Variants in EIF2D observed in about 807,000 individuals in gnomAD.
EIF2D encodes eukaryotic translation initiation factor 2D, also known as hepatocellular carcinoma-associated antigen 56.
Under a neutral mutation model 77.4 loss-of-function variants are expected in EIF2D, and 56 were observed. That is an observed-to-expected ratio of 0.72 (90% CI 0.58 to 0.90). The LOEUF (loss-of-function observed/expected upper bound fraction) is 0.90, where lower values mean the gene tolerates loss of function less well. Among genes scored for constraint, EIF2D ranks in the 40% least tolerant of loss-of-function variants. The pLI, the probability that EIF2D is intolerant of heterozygous loss-of-function variation, is 0.00. For missense variants in EIF2D, 574 were observed against 706.5 expected, an observed-to-expected ratio of 0.81 and a Z score of 2.13; for synonymous variants, 230 against 271.0, an observed-to-expected ratio of 0.85 and a Z score of 1.49.
chr1:206,593,506 A>AGTGTGTGCGTGCGT (rs1286437460), intron 14 of EIF2D, 113 bp downstream of exon 14: 1 of 411,504 alleles, frequency 2.4e-6, no homozygotes, highest in African/African-American at 2.5e-5. Flanking sequence ...AGAGAGAGAG[A>AGTGTGTGCGTGCGT]GAGTGTGTGT....
intron 2 of EIF2D, chr1:206,583,214 C>T (rs1553406718): frequency 1.6e-6 from 2 of 1,229,464 alleles, no homozygotes; most frequent in African/African-American, 1.5e-5. Flanking sequence ...TGGTTGTTCC[C>T]TTTCTCACCC....
At chr1:206,606,973 A>C (rs1445192403) in intron 4 of EIF2D, among the ~76,000 whole-genome samples, 1 of 152,218 alleles carries the variant, frequency 6.6e-6, no homozygotes, top group Non-Finnish European at 1.5e-5. Flanking sequence ...ACAATTCTGC[A>C]TTTTAGTATC....
chr1:206,608,490 A>G (rs1572413574), intron 3 of EIF2D, among the ~76,000 whole-genome samples, 164 bp from the exon 4 acceptor site: 1 of 152,234 alleles, frequency 6.6e-6, no homozygotes, highest in South Asian at 2.1e-4. Flanking sequence ...AAAAATAGTT[A>G]TTAGTTATCA....
At chr1:206,589,461 A>T (rs1034266765), downstream of EIF2D, 1 of 152,188 alleles carries the variant, frequency 6.6e-6, no homozygotes, top group Admixed American at 6.5e-5. Context: ...CGTAGGCGGG[A>T]GGGCGCTGCC....
Position 206,592,401 on chromosome 1 carries a change from C to T in EIF2D, c.1685-556G>A, listed in dbSNP as rs952612641. 6.6e-6 allele frequency among the ~76,000 whole-genome samples: 1 copy of T among 152,226 alleles called. No individual in the cohort carries two copies. Among genetic ancestry groups the T allele is most frequent in the Non-Finnish European group, 1.5e-5 (1 of 68,036 alleles). On this transcript the variant is annotated intron_variant, in intron 14 of 14. Coordinates refer to ENST00000271764, the MANE Select transcript of EIF2D (RefSeq NM_006893.3). The surrounding 1 kb of genome is among the most constrained non-coding windows in gnomAD (Gnocchi z 4.7). ...AATGTTTAAAATGCTAATTTAGGCT[C>T]AGGCCTCCCAGGACCCCTGGGCTGG... is the stretch of plus-strand genomic sequence containing the variant.
intron 2 of EIF2D, among the ~76,000 whole-genome samples, chr1:206,609,669 G>A (rs17012640): frequency 0.012 from 1,839 of 152,288 alleles, 21 homozygotes; most frequent in South Asian, 0.071. Flanking sequence ...GAGATTTGGA[G>A]GCATCCGGAT....
Position 206,584,691 on chromosome 1 carries a change from GAA to G in EIF2D, c.139-3531_139-3530del. On this transcript the variant is annotated intron_variant and NMD_transcript_variant, in intron 2 of 5. Coordinates refer to the EIF2D transcript ENST00000472709. The surrounding 1 kb of genome is among the most constrained non-coding windows in gnomAD (Gnocchi z 4.9). ...ATACACAAGGACGGACAAGGTAGGA[GAA>G]AGAGTGAACCCAACCAGACCGTTCC... 6.2e-7 allele frequency: 1 copy of G among 1,614,196 alleles called. No homozygotes were observed. Among genetic ancestry groups the G allele is most frequent in the Non-Finnish European group, 8.5e-7 (1 of 1,180,014 alleles).
chr1:206,570,078 CTTTTTTTTTTTTT>C (rs375900760), downstream of EIF2D, among the ~76,000 whole-genome samples: 4 of 119,378 alleles, frequency 3.4e-5, no homozygotes, highest in South Asian at 3.0e-4. Flanking sequence ...TAAAATTTAC[CTTTTTTTTTTTTT>C]TTTTTTTTTT....
rs569945436 is a variant in EIF2D, at chr1:206,584,116, C to T, written c.139-2954G>A. On this transcript the variant is annotated intron_variant and NMD_transcript_variant, in intron 2 of 5. Transcript: ENST00000472709. The surrounding 1 kb of genome is among the most constrained non-coding windows in gnomAD (Gnocchi z 4.9). ...GGCACTCACCAAAGGCAACTGGTTA[C>T]AGGAGGTTTAGGGAGCTGGCCTGAG... Among the ~76,000 whole-genome samples the T allele has an allele frequency of 3.3e-5, 5 of 152,294 alleles. No homozygotes were observed. In the East Asian group the frequency reaches 9.6e-4, roughly 29 times the overall value.
At chr1:206,605,797 AG>A (rs1553412553) in intron 4 of EIF2D, among the ~76,000 whole-genome samples, 1 of 152,222 alleles carries the variant, frequency 6.6e-6, no homozygotes, top group Non-Finnish European at 1.5e-5. Context: ...TTAAATCTCC[AG>A]GTGGGTCTTG....
At chr1:206,580,158 T>C (rs1308321601) in intron 4 of EIF2D, among the ~76,000 whole-genome samples, 1 of 152,120 alleles carries the variant, frequency 6.6e-6, no homozygotes, top group African/African-American at 2.4e-5. Flanking sequence ...AGGGGAGAGA[T>C]AGATGGGTCT....
At chr1:206,601,817 T>G (rs1179575431) in intron 7 of EIF2D, 1 of 153,706 alleles carries the variant, frequency 6.5e-6, no homozygotes, top group Non-Finnish European at 1.4e-5. Flanking sequence ...ATCCAGGTTC[T>G]ATCCACACGC....
downstream of EIF2D, among the ~76,000 whole-genome samples, chr1:206,590,649 G>A (rs1553408787): frequency 6.6e-6 from 1 of 152,130 alleles, no homozygotes; most frequent in East Asian, 1.9e-4. Context: ...TCTATTCTGG[G>A]CCTGATAACA....
At chr1:206,596,936 C>CA (rs1410377531) in intron 12 of EIF2D, among the ~76,000 whole-genome samples, 164 bp downstream of exon 12, 121 of 151,994 alleles carry the variant, frequency 8.0e-4, no homozygotes, top group African/African-American at 2.8e-3. Flanking sequence ...TTCCAAAGAC[C>CA]CCCCAAATCA....
intron 4 of EIF2D, among the ~76,000 whole-genome samples, chr1:206,573,167 A>C (rs1374641236): frequency 6.6e-6 from 1 of 152,246 alleles, no homozygotes; most frequent in Non-Finnish European, 1.5e-5. Context: ...ACTGCATTTC[A>C]CAAAGAAATC....
chr1:206,583,166 A>G lies in EIF2D; in HGVS notation c.139-2004T>C, dbSNP rs1553406715. ...AGTTAGTTCCACTCTGCAGGGCTGGATGCTCACTTCTTGGTTAGAGAGGCT... is the reference window on the plus strand; with the variant it reads ...AGTTAGTTCCACTCTGCAGGGCTGGGTGCTCACTTCTTGGTTAGAGAGGCT... On this transcript the variant is annotated intron_variant and NMD_transcript_variant, in intron 2 of 5. Transcript: ENST00000472709. The G allele has an allele frequency of 4.0e-6, 3 of 756,598 alleles. No homozygotes were observed. In the East Asian group the frequency reaches 7.6e-5, roughly 19 times the overall value. The allele number at this position is 756,598 out of a possible 1,614,324, so 46.9% of individuals were successfully genotyped here. A position where few individuals can be genotyped will look rare whatever the true frequency, so the allele number is the denominator to read the frequency against.
At chr1:206,580,486 G>C (rs1365287971) in intron 4 of EIF2D, among the ~76,000 whole-genome samples, 4 of 152,296 alleles carry the variant, frequency 2.6e-5, no homozygotes, top group Non-Finnish European at 5.9e-5. Flanking sequence ...AGCTCCCAGC[G>C]GGAAGGTATA....
At chr1:206,603,417 G>A in intron 5 of EIF2D, 1 of 557,606 alleles carries the variant, frequency 1.8e-6, no homozygotes, top group South Asian at 2.9e-5. Context: ...CTCTGAAATG[G>A]GGAGAATAAA....
At position 206,579,301 on chromosome 1, in the gene EIF2D, A is replaced by G. The variant is rs563952713; in HGVS notation, c.*254+1391T>C. 2.2e-3 allele frequency among the ~76,000 whole-genome samples: 339 copies of G among 152,338 alleles called. 1 individual carries two copies. Among genetic ancestry groups the G allele is most frequent in the African/African-American group, 7.3e-3 (303 of 41,566 alleles). ...CCCAGGAGAGACACCTCACATGCCAATGTCTATATTTGTTAAATCATAACA... is the reference window on the plus strand; with the variant it reads ...CCCAGGAGAGACACCTCACATGCCAGTGTCTATATTTGTTAAATCATAACA... On this transcript the variant is annotated intron_variant and NMD_transcript_variant, in intron 4 of 5. Coordinates refer to the EIF2D transcript ENST00000472709. The surrounding 1 kb of genome is among the most constrained non-coding windows in gnomAD (Gnocchi z 4.2).
Sources: allele counts gnomAD v4.1 joint callset (sites outside exome capture counted in the v4.1 genomes callset), GRCh38; gene constraint gnomAD v4.1.1; non-coding constraint Gnocchi (gnomAD v3.1); transcripts MANE v1.5; gene names NCBI Gene and HGNC (gene_info 2026-07-23, HGNC 2026-07-21).